Variants in RTN4RL1 observed in about 807,000 individuals in gnomAD.
The protein encoded by RTN4RL1 is reticulon-4 receptor-like 1.
RTN4RL1 carries 7 observed loss-of-function variants against 25.6 expected under a neutral mutation model. That is an observed-to-expected ratio of 0.27 (90% CI 0.16 to 0.51). The LOEUF (loss-of-function observed/expected upper bound fraction) is 0.51, where lower values mean the gene tolerates loss of function less well. RTN4RL1 is among the 20% of genes least tolerant of loss of function. RTN4RL1 has a pLI of 0.97. For synonymous variants in RTN4RL1, 297 were observed against 288.2 expected (o/e 1.03, Z -0.31); for missense variants, 500 against 615.6 (o/e 0.81, Z 1.99).
At chr17:2,024,773 CCGGCGCCGGGCGGCGCCCGGGCTCG>C (rs1476706933) in intron 1 of RTN4RL1, 55 bp downstream of exon 1, 2 of 1,458,360 alleles carry the variant, frequency 1.4e-6, no homozygotes, top group African/African-American at 2.9e-5. Flanking sequence ...ACCGGGAGCC[CCGGCGCCGGGCGGCGCCCGGGCTCG>C]CGGCTCTTTC....
chr17:1,948,247 G>C (rs1466610912), intron 1 of RTN4RL1, among the ~76,000 whole-genome samples: 1 of 152,222 alleles, frequency 6.6e-6, no homozygotes, highest in East Asian at 1.9e-4. Flanking sequence ...GGTCCTGGCA[G>C]TGCTCTGCAG....
At position 1,952,008 on chromosome 17, in the gene RTN4RL1, C is replaced by T. The variant is rs575202792; in HGVS notation, c.14-14200G>A. ...CAGAATTCTAATGGCTCAGGGACAG[C>T]AGGACGGCTGAGGCTCTGCTCCAGG... is the stretch of plus-strand genomic sequence containing the variant. On this transcript the variant is annotated intron_variant, in intron 1 of 1. Transcript: ENST00000331238. 5.3e-5 allele frequency among the ~76,000 whole-genome samples: 8 copies of T among 152,276 alleles called. No individual in the cohort carries two copies. The South Asian group carries it at 1.7e-3, about 32-fold the overall frequency.
At chr17:1,950,991 C>T (rs770316810) in intron 1 of RTN4RL1, among the ~76,000 whole-genome samples, 1 of 149,890 alleles carries the variant, frequency 6.7e-6, no homozygotes, top group Non-Finnish European at 1.5e-5. Context: ...CATGGCTGGG[C>T]GCGGTGGCTC....
At chr17:1,952,332 G>GTTTT (rs56878786) in intron 1 of RTN4RL1, among the ~76,000 whole-genome samples, 3 of 135,438 alleles carry the variant, frequency 2.2e-5, no homozygotes, top group African/African-American at 5.7e-5. Context: ...AGGGAGGTTG[G>GTTTT]TTTTTTTTTT....
rs1222133573 is a variant in RTN4RL1, at chr17:1,988,417, AAAAAG to A, written c.13+36431_13+36435del. Among the ~76,000 whole-genome samples the A allele has an allele frequency of 8.8e-5, 13 of 148,544 alleles. No homozygotes were observed. The East Asian group carries it at 2.1e-3, about 24-fold the overall frequency. On this transcript the variant is annotated intron_variant, in intron 1 of 1. Transcript: ENST00000331238. The stretch of plus-strand genomic sequence containing the variant: ...AGACTCCGCCTCAAAAAAAAAAAAA[AAAAAG>A]AAAAGAAAAGAAGGAGCCACGAATA...
intron 1 of RTN4RL1, among the ~76,000 whole-genome samples, chr17:1,996,183 C>G (rs2066928751): frequency 6.6e-6 from 1 of 152,200 alleles, no homozygotes; most frequent in African/African-American, 2.4e-5. Flanking sequence ...CCTTACTCGG[C>G]TTTCTCCCAG....
intron 1 of RTN4RL1, among the ~76,000 whole-genome samples, chr17:2,023,821 A>C (rs991023194): frequency 1.4e-4 from 21 of 152,056 alleles, no homozygotes; most frequent in Non-Finnish European, 2.1e-4. Context: ...GAGCGCAGGG[A>C]TCAGGCCCCT....
chr17:1,947,107 G>GT (rs1258722187), intron 1 of RTN4RL1, among the ~76,000 whole-genome samples: 2 of 150,354 alleles, frequency 1.3e-5, no homozygotes, highest in African/African-American at 4.9e-5. Context: ...CAATGTGTGT[G>GT]TGCGCACGGG....
Position 1,936,477 on chromosome 17 carries a change from G to GT in RTN4RL1, c.*18dup. 1 of 1,530,758 alleles carries GT rather than the reference G, an allele frequency of 6.5e-7. No individual in the cohort carries two copies. Among genetic ancestry groups the GT allele is most frequent in the Non-Finnish European group, 8.7e-7 (1 of 1,144,042 alleles). 94.8% of individuals were successfully genotyped at this position (1,530,758 alleles called of 1,614,324 possible). ...CTTGGTGGACATGTGGCAGTGCTGG[G>GT]TGCTGACGCCCTGGGTCCTCAGCGG... On this transcript the variant is annotated 3_prime_UTR_variant, in exon 2 of 2. Coordinates refer to ENST00000331238, the MANE Select transcript of RTN4RL1 (RefSeq NM_178568.4).
chr17:1,991,287 G>A, intron 1 of RTN4RL1, among the ~76,000 whole-genome samples: 1 of 152,016 alleles, frequency 6.6e-6, no homozygotes, highest in East Asian at 1.9e-4. Flanking sequence ...TTGTAGGGAG[G>A]GAGAGGAGCT....
At chr17:1,949,358 A>T (rs1417096223) in intron 1 of RTN4RL1, among the ~76,000 whole-genome samples, 1 of 152,078 alleles carries the variant, frequency 6.6e-6, no homozygotes, top group African/African-American at 2.4e-5. Context: ...CAGCCTCCCA[A>T]AGTGCTGGGA....
At chr17:1,962,159 A>C (rs2066766974) in intron 1 of RTN4RL1, among the ~76,000 whole-genome samples, 1 of 151,148 alleles carries the variant, frequency 6.6e-6, no homozygotes, top group Admixed American at 6.6e-5. Flanking sequence ...ACGTGCATGC[A>C]GTCCCAGCTA....
chr17:1,964,171 ACT>A (rs2066778603), intron 1 of RTN4RL1, among the ~76,000 whole-genome samples: 1 of 152,172 alleles, frequency 6.6e-6, no homozygotes, highest in Non-Finnish European at 1.5e-5. Context: ...GCTTCCAAAA[ACT>A]TGAAATGTGC....
intron 1 of RTN4RL1, among the ~76,000 whole-genome samples, chr17:1,986,891 G>C (rs1190577752): frequency 6.6e-6 from 1 of 152,076 alleles, no homozygotes; most frequent in African/African-American, 2.4e-5. Context: ...CCAGGCCTGG[G>C]TTCCAGGCTT....
At chr17:1,977,591 G>T (rs1050962982) in intron 1 of RTN4RL1, among the ~76,000 whole-genome samples, 1 of 152,142 alleles carries the variant, frequency 6.6e-6, no homozygotes, top group Non-Finnish European at 1.5e-5. Context: ...GACCTGGGGC[G>T]GCCTGGCCAG....
Position 1,998,131 on chromosome 17 carries a change from C to G in RTN4RL1, c.13+26722G>C, listed in dbSNP as rs2066938188. Among the ~76,000 whole-genome samples the G allele has an allele frequency of 6.6e-6, 1 of 152,090 alleles. No individual in the cohort carries two copies. Among genetic ancestry groups the G allele is most frequent in the South Asian group, 2.1e-4 (1 of 4,834 alleles). ...CGGGGCTGGCAGGGGAGCCAGACGG[C>G]GGCGGAGGGGGCGGGGAGGCCTCCT... On this transcript the variant is annotated intron_variant, in intron 1 of 1. Transcript: ENST00000331238. The surrounding 1 kb of genome is among the most constrained non-coding windows in gnomAD (Gnocchi z 4.9).
chr17:1,969,387 A>T (rs2066808081), intron 1 of RTN4RL1, among the ~76,000 whole-genome samples: 1 of 152,062 alleles, frequency 6.6e-6, no homozygotes, highest in African/African-American at 2.4e-5. Flanking sequence ...ACAATCCGAG[A>T]AGCCAAACAA....
rs201974853 is a variant in RTN4RL1, at chr17:1,941,607, G to GC, written c.14-3800_14-3799insG. On this transcript the variant is annotated intron_variant, in intron 1 of 1. Coordinates refer to ENST00000331238, the MANE Select transcript of RTN4RL1 (RefSeq NM_178568.4). Reference sequence around the variant, plus strand: ...GAGGGCCCCTCGGGGGCCAGGCGGTGGGGGGGGATCCGAGCCCGGGGGAGT... The same window carrying GC: ...GAGGGCCCCTCGGGGGCCAGGCGGTGCGGGGGGGATCCGAGCCCGGGGGAGT... Among the ~76,000 whole-genome samples, 109 of 151,980 alleles carry GC rather than the reference G, an allele frequency of 7.2e-4. 2 individuals are homozygous for GC. In the East Asian group the frequency reaches 0.02, roughly 28 times the overall value.
At chr17:1,997,689 C>T (rs1481825936) in intron 1 of RTN4RL1, among the ~76,000 whole-genome samples, 1 of 152,218 alleles carries the variant, frequency 6.6e-6, no homozygotes, top group African/African-American at 2.4e-5. Context: ...GAACACCTCG[C>T]CAGCCTCCCT....
Sources: gnomAD v4.1 joint callset for allele counts (sites outside exome capture counted in the v4.1 genomes callset) on GRCh38, gnomAD v4.1.1 for gene constraint, Gnocchi (gnomAD v3.1) non-coding constraint, MANE v1.5 for transcripts, NCBI Gene and HGNC (gene_info 2026-07-23, HGNC 2026-07-21) for gene names.